The following ABCD2 variants were observed in gnomAD, a reference collection of about 807,000 sequenced individuals.
The protein encoded by ABCD2 is ATP-binding cassette sub-family D member 2.
In ABCD2, 36 loss-of-function variants were observed where a neutral mutation model predicts 70.9. The observed-to-expected ratio is 0.51, with a 90% CI of 0.39 to 0.67. The LOEUF (loss-of-function observed/expected upper bound fraction) is 0.67, where lower values mean the gene tolerates loss of function less well. Ranked by LOEUF, ABCD2 falls within the 30% of genes least tolerant of loss-of-function variation. The probability of loss-of-function intolerance (pLI) is 0.00; values close to 1 mark genes in which losing one functional copy is unlikely to be tolerated. For synonymous variants in ABCD2, 304 were observed against 306.9 expected, an observed-to-expected ratio of 0.99 and a Z score of 0.10; for missense variants, 729 against 890.2, an observed-to-expected ratio of 0.82 and a Z score of 2.30.
chr12:39,619,732 C>A lies in ABCD2; in HGVS notation c.-117G>T, dbSNP rs1942169686. On this transcript the variant is annotated 5_prime_UTR_variant, in exon 1 of 10. Coordinates refer to ENST00000308666, the MANE Select transcript of ABCD2 (RefSeq NM_005164.4). ...CAGCGTCCCATAGTCTGCAGCGTTTCTCTTCCACTGTTGTGTTTTTAATTT... is the reference window on the plus strand; with the variant it reads ...CAGCGTCCCATAGTCTGCAGCGTTTATCTTCCACTGTTGTGTTTTTAATTT... The A allele has an allele frequency of 1.1e-6, 1 of 879,402 alleles. No individual in the cohort carries two copies. Among genetic ancestry groups the A allele is most frequent in the Non-Finnish European group, 1.7e-6 (1 of 589,392 alleles). The allele number at this position is 879,402 out of a possible 1,614,324, so 54.5% of individuals were successfully genotyped here. A position where few individuals can be genotyped will look rare whatever the true frequency, so the allele number is the denominator to read the frequency against.
At chr12:39,603,151 A>G (rs1369298872) in intron 5 of ABCD2, among the ~76,000 whole-genome samples, 1 of 152,076 alleles carries the variant, frequency 6.6e-6, no homozygotes, top group African/African-American at 2.4e-5. Context: ...AACCTTGACT[A>G]AAGTCCATAC....
intron 9 of ABCD2, among the ~76,000 whole-genome samples, chr12:39,556,134 A>C (rs1480308987): frequency 6.6e-6 from 1 of 152,206 alleles, no homozygotes; most frequent in Non-Finnish European, 1.5e-5. Context: ...ACATCAATTC[A>C]TGACCAGAAG....
chr12:39,611,203 C>T (rs1167081945), intron 2 of ABCD2, among the ~76,000 whole-genome samples: 3 of 152,000 alleles, frequency 2.0e-5, no homozygotes, highest in Non-Finnish European at 4.4e-5. Context: ...ATGTACATCA[C>T]AAAGAGTGAA....
intron 9 of ABCD2, among the ~76,000 whole-genome samples, chr12:39,569,609 G>A (rs758187132): frequency 6.6e-5 from 10 of 152,058 alleles, no homozygotes; most frequent in South Asian, 2.1e-4. Context: ...TTCGCCTCAC[G>A]CTCGGTGGTC....
intron 7 of ABCD2, among the ~76,000 whole-genome samples, chr12:39,583,954 T>G (rs543227478): frequency 1.6e-4 from 25 of 152,280 alleles, no homozygotes; most frequent in African/African-American, 6.0e-4. Context: ...GATTCCATGT[T>G]TTTGCTATTG....
At chr12:39,564,084 A>G (rs1184918906) in intron 9 of ABCD2, among the ~76,000 whole-genome samples, 1 of 152,184 alleles carries the variant, frequency 6.6e-6, no homozygotes, top group Non-Finnish European at 1.5e-5. Context: ...GCCACAATAA[A>G]CATATGTGTG....
chr12:39,609,350 G>C (rs750378625), intron 2 of ABCD2, among the ~76,000 whole-genome samples: 1 of 152,210 alleles, frequency 6.6e-6, no homozygotes, highest in Non-Finnish European at 1.5e-5. Context: ...CCTGTAAAAT[G>C]AGGTACATAA....
At chr12:39,547,659 GT>G (rs902804533), downstream of ABCD2, among the ~76,000 whole-genome samples, 5 of 152,070 alleles carry the variant, frequency 3.3e-5, no homozygotes, top group African/African-American at 1.2e-4. Context: ...GGAACTAGGG[GT>G]TGGAGAAAAA....
chr12:39,573,170 A>G (rs1941471548), intron 9 of ABCD2, among the ~76,000 whole-genome samples: 1 of 152,084 alleles, frequency 6.6e-6, no homozygotes, highest in Non-Finnish European at 1.5e-5. Flanking sequence ...AAGTAGGGGA[A>G]TTGTAAAATT....
At chr12:39,563,484 G>T (rs1248228169) in intron 9 of ABCD2, among the ~76,000 whole-genome samples, 1 of 152,092 alleles carries the variant, frequency 6.6e-6, no homozygotes, top group Non-Finnish European at 1.5e-5. Flanking sequence ...TACATTCAGT[G>T]TACTACTGAA....
chr12:39,579,364 A>G (rs1941565019), intron 8 of ABCD2, among the ~76,000 whole-genome samples, 171 bp downstream of exon 8: 1 of 152,144 alleles, frequency 6.6e-6, no homozygotes, highest in African/African-American at 2.4e-5. Context: ...TCTGTCTCAA[A>G]AACAAACAAA....
intron 9 of ABCD2, among the ~76,000 whole-genome samples, chr12:39,571,053 C>A (rs887691583): frequency 2.6e-5 from 4 of 152,002 alleles, no homozygotes; most frequent in Non-Finnish European, 5.9e-5. Context: ...GTCAGAATGG[C>A]TATTAAGAAA....
intron 9 of ABCD2, among the ~76,000 whole-genome samples, chr12:39,566,637 C>T (rs1019398901): frequency 1.1e-4 from 17 of 152,116 alleles, no homozygotes; most frequent in Non-Finnish European, 2.4e-4. Flanking sequence ...TCCTTCAGTT[C>T]TGCTCTGATC....
At chr12:39,591,029 T>C (rs933447979) in intron 6 of ABCD2, among the ~76,000 whole-genome samples, 1 of 150,108 alleles carries the variant, frequency 6.7e-6, no homozygotes, top group African/African-American at 2.4e-5. Context: ...ATTGGAACAA[T>C]ATTGATAAAA....
At chr12:39,610,378 G>A (rs1350617147) in intron 2 of ABCD2, among the ~76,000 whole-genome samples, 1 of 152,156 alleles carries the variant, frequency 6.6e-6, no homozygotes, top group Non-Finnish European at 1.5e-5. Flanking sequence ...AAAGGCTGAT[G>A]AGCATTGGTA....
chr12:39,613,711 C>T (rs117344812), intron 2 of ABCD2, among the ~76,000 whole-genome samples: 3,069 of 152,202 alleles, frequency 0.02, 46 homozygotes, highest in South Asian at 0.046. Flanking sequence ...TTAGAGCTTC[C>T]GCTAACTAAC....
At chr12:39,603,781 A>G in intron 5 of ABCD2, 131 bp downstream of exon 5, 1 of 553,514 alleles carries the variant, frequency 1.8e-6, no homozygotes, top group East Asian at 3.0e-5. Context: ...TAATTGAGCC[A>G]CTGTGCATAC....
chr12:39,586,626 C>T (rs1043259823), intron 6 of ABCD2, among the ~76,000 whole-genome samples: 2 of 152,078 alleles, frequency 1.3e-5, no homozygotes, highest in Admixed American at 1.3e-4. Context: ...AAACACCTGC[C>T]TCAAGTGATT....
At chr12:39,605,031 T>C (rs11172794) in intron 3 of ABCD2, 101 bp from the exon 4 acceptor site, 149,655 of 910,658 alleles carry the variant, frequency 0.16, 13,045 homozygotes, top group African/African-American at 0.33. Context: ...TGTAAAAGAT[T>C]ATATTGCATT....
Sources: gnomAD v4.1 joint callset for allele counts (sites outside exome capture counted in the v4.1 genomes callset) on GRCh38, gnomAD v4.1.1 for gene constraint, MANE v1.5 for transcripts, NCBI Gene and HGNC (gene_info 2026-07-23, HGNC 2026-07-21) for gene names.